Variants in CCNY observed in about 807,000 individuals in gnomAD.
The protein encoded by CCNY is cyclin Y, also known as cyclin-Y.
CCNY carries 19 observed loss-of-function variants against 42.8 expected under a neutral mutation model. The observed-to-expected ratio is 0.44, with a 90% CI of 0.31 to 0.65. CCNY has a LOEUF of 0.65. Among genes scored for constraint, CCNY ranks in the 30% least tolerant of loss-of-function variants. The pLI, the probability that CCNY is intolerant of heterozygous loss-of-function variation, is 0.07. For missense variants in CCNY, 370 were observed against 437.3 expected, an observed-to-expected ratio of 0.85 and a Z score of 1.37; for synonymous variants, 165 against 162.7, an observed-to-expected ratio of 1.01 and a Z score of -0.11.
At chr10:35,514,151 C>T (rs541736193) in intron 3 of CCNY, among the ~76,000 whole-genome samples, 76 of 150,514 alleles carry the variant, frequency 5.0e-4, no homozygotes, top group African/African-American at 1.6e-3. Context: ...ACAGCTATTT[C>T]GGCTTTTTAG....
intron 5 of CCNY, among the ~76,000 whole-genome samples, chr10:35,527,070 G>A (rs1019629014): frequency 2.2e-5 from 3 of 139,238 alleles, no homozygotes; most frequent in Admixed American, 7.5e-5. Context: ...GAGAAAACAC[G>A]AATATCCAGA....
intron 1 of CCNY, among the ~76,000 whole-genome samples, chr10:35,402,424 G>T (rs930988743): frequency 2.6e-5 from 4 of 152,148 alleles, no homozygotes; most frequent in African/African-American, 4.8e-5. Context: ...CTTGGTTGGC[G>T]AGTTTTTGGG....
intron 1 of CCNY, among the ~76,000 whole-genome samples, chr10:35,446,396 G>GT (rs1291027038): frequency 2.0e-5 from 3 of 151,992 alleles, no homozygotes; most frequent in Non-Finnish European, 2.9e-5. Flanking sequence ...AAAATGTGGA[G>GT]TTTTTTTTCC....
chr10:35,392,746 C>T (rs1159455279), intron 1 of CCNY, among the ~76,000 whole-genome samples: 1 of 152,186 alleles, frequency 6.6e-6, no homozygotes, highest in Non-Finnish European at 1.5e-5. Flanking sequence ...GGAGAAGTGA[C>T]ATGACCAGGT....
At chr10:35,399,179 G>A (rs1047684596) in intron 1 of CCNY, among the ~76,000 whole-genome samples, 6 of 152,204 alleles carry the variant, frequency 3.9e-5, no homozygotes, top group Admixed American at 2.0e-4. Context: ...GTGCTTGACG[G>A]TAAGACAACT....
At position 35,569,021 on chromosome 10, in the gene CCNY, G is replaced by A. The variant is rs765829512; in HGVS notation, c.910-33G>A. 2.6e-5 allele frequency: 37 copies of A among 1,427,464 alleles called. 1 individual carries two copies. The highest frequency in any genetic ancestry group is 4.6e-5 in the South Asian group (4 of 87,378). 88.4% of individuals were successfully genotyped at this position (1,427,464 alleles called of 1,614,324 possible). A position where few individuals can be genotyped will look rare whatever the true frequency, so the allele number is the denominator to read the frequency against. On this transcript the variant is annotated intron_variant, in intron 9 of 9. Coordinates refer to ENST00000374704, the MANE Select transcript of CCNY (RefSeq NM_145012.6). ...TGAGCAATGGACGCAGATATGGCCC[G>A]CCCTGACCCACACTGTCTTTCTTGC...
intron 1 of CCNY, among the ~76,000 whole-genome samples, chr10:35,409,987 C>A (rs1050499062): frequency 5.9e-5 from 9 of 152,168 alleles, no homozygotes; most frequent in Non-Finnish European, 1.3e-4. Flanking sequence ...CAGTGATCCT[C>A]CCACCTCAGC....
chr10:35,360,288 CTTT>C (rs5784449), intron 1 of CCNY, among the ~76,000 whole-genome samples: 28 of 99,848 alleles, frequency 2.8e-4, no homozygotes, highest in Non-Finnish European at 4.2e-4. Flanking sequence ...CTTTTCTTTT[CTTT>C]TTTTTTTTTT....
At chr10:35,429,718 G>A (rs962451116) in intron 1 of CCNY, among the ~76,000 whole-genome samples, 5 of 152,128 alleles carry the variant, frequency 3.3e-5, no homozygotes, top group Admixed American at 2.6e-4. Flanking sequence ...CTGTTATTGG[G>A]TCATTTCATC....
intron 3 of CCNY, among the ~76,000 whole-genome samples, chr10:35,506,464 C>T (rs1454453295): frequency 6.6e-6 from 1 of 152,142 alleles, no homozygotes; most frequent in Non-Finnish European, 1.5e-5. Context: ...CACACTGGTA[C>T]ATTGAGAAGC....
At chr10:35,387,069 A>G (rs1017136632) in intron 1 of CCNY, among the ~76,000 whole-genome samples, 3 of 152,190 alleles carry the variant, frequency 2.0e-5, no homozygotes, top group African/African-American at 7.2e-5. Context: ...CACTACTGAG[A>G]GGAATTCCAC....
chr10:35,384,656 T>C (rs1837264838), intron 1 of CCNY, among the ~76,000 whole-genome samples: 1 of 152,150 alleles, frequency 6.6e-6, no homozygotes, highest in Non-Finnish European at 1.5e-5. Flanking sequence ...ACGACTCACA[T>C]AGGGTGAGTC....
Position 35,516,558 on chromosome 10 carries a change from C to T in CCNY, c.300C>T (p.Ser100=), listed in dbSNP as rs780745303. The change falls in exon 4 of 10, where the codon TCC becomes TCT. Residue 100 remains serine (S), a synonymous_variant. Coordinates refer to ENST00000374704, the MANE Select transcript of CCNY (RefSeq NM_145012.6). ...GACAAATAGCAAGGAAATACAGTTCCTGCTCCACCATTTTCCTAGATGATA... is the reference window on the plus strand; with the variant it reads ...GACAAATAGCAAGGAAATACAGTTCTTGCTCCACCATTTTCCTAGATGATA... The part of the protein sequence containing the change: ...PPGQIARKYS[S]CSTIFLDDST... 8 of 1,613,520 alleles carry T rather than the reference C, an allele frequency of 5.0e-6. No homozygotes were observed. The East Asian group carries it at 1.6e-4, about 31-fold the overall frequency.
chr10:35,372,330 C>T (rs1448463465), intron 1 of CCNY, among the ~76,000 whole-genome samples: 1 of 152,148 alleles, frequency 6.6e-6, no homozygotes, highest in African/African-American at 2.4e-5. Flanking sequence ...TGCGCATGGG[C>T]CAGCCTGAAT....
intron 1 of CCNY, among the ~76,000 whole-genome samples, chr10:35,482,935 A>G (rs935824909): frequency 2.0e-5 from 3 of 152,112 alleles, no homozygotes; most frequent in African/African-American, 7.2e-5. Context: ...CTAAGGGACA[A>G]GTTTTGCTTT....
intron 1 of CCNY, among the ~76,000 whole-genome samples, chr10:35,473,876 CTG>C (rs1434594778): frequency 2.0e-5 from 3 of 152,182 alleles, no homozygotes; most frequent in Non-Finnish European, 4.4e-5. Context: ...GCATTTCCAT[CTG>C]AGGTACCGGG....
chr10:35,532,573 T>G (rs560897653), intron 7 of CCNY, among the ~76,000 whole-genome samples: 1 of 152,356 alleles, frequency 6.6e-6, no homozygotes, highest in East Asian at 1.9e-4. Context: ...TCCTAGAATA[T>G]GCTGAAAGCT....
intron 3 of CCNY, among the ~76,000 whole-genome samples, chr10:35,286,930 G>A (rs912592538): frequency 6.6e-6 from 1 of 152,162 alleles, no homozygotes; most frequent in African/African-American, 2.4e-5. Context: ...AAAGTGCTGG[G>A]ATTACAGGCG....
rs533246408 is a variant in CCNY, at chr10:35,474,123, C to T, written c.155-9281C>T. 1.1e-3 allele frequency among the ~76,000 whole-genome samples: 172 copies of T among 152,342 alleles called. 1 individual carries two copies. The Middle Eastern group carries it at 0.017, about 15-fold the overall frequency. On this transcript the variant is annotated intron_variant, in intron 1 of 9. Transcript: ENST00000374704. ...AAACGGCGCACCACGAGATTATATC[C>T]CGCACCTGGCTTGGAGGGTCCTACC...
Sources: allele counts gnomAD v4.1 joint callset (sites outside exome capture counted in the v4.1 genomes callset), GRCh38; gene constraint gnomAD v4.1.1; transcripts MANE v1.5; gene names NCBI Gene and HGNC (gene_info 2026-07-23, HGNC 2026-07-21).